The following CLIP4 variants were observed in gnomAD, a reference collection of about 807,000 sequenced individuals.
CLIP4 encodes the protein CAP-Gly domain containing linker protein family member 4, also known as CAP-Gly domain-containing linker protein 4.
In CLIP4, 47 loss-of-function variants were observed where a neutral mutation model predicts 73.1. The observed-to-expected ratio is 0.64, with a 90% CI of 0.51 to 0.82. The LOEUF is 0.82. CLIP4 is among the 40% of genes least tolerant of loss of function. The pLI, the probability that CLIP4 is intolerant of heterozygous loss-of-function variation, is 0.00. For synonymous variants in CLIP4, 306 were observed against 295.4 expected (o/e 1.04, Z -0.37); for missense variants, 874 against 852.9 (o/e 1.02, Z -0.31).
chr2:29,155,756 C>G (rs562286667), intron 9 of CLIP4, among the ~76,000 whole-genome samples: 12 of 152,190 alleles, frequency 7.9e-5, no homozygotes, highest in African/African-American at 2.9e-4. Context: ...TGACTGGTCC[C>G]TGCTTCCAGC....
intron 9 of CLIP4, among the ~76,000 whole-genome samples, chr2:29,155,701 C>G (rs1204844419): frequency 6.6e-6 from 1 of 152,186 alleles, no homozygotes; most frequent in Non-Finnish European, 1.5e-5. Context: ...TCAGTTTCTG[C>G]TGTTGGAGTT....
At chr2:29,129,979 T>A (rs1312156706) in intron 2 of CLIP4, 5 of 470,952 alleles carry the variant, frequency 1.1e-5, no homozygotes, top group Non-Finnish European at 1.8e-5. Flanking sequence ...TTTCAGCAGC[T>A]GCTCTGGAAC....
At chr2:29,175,846 C>G (rs1335174424) in intron 15 of CLIP4, among the ~76,000 whole-genome samples, 1 of 152,068 alleles carries the variant, frequency 6.6e-6, no homozygotes, top group Non-Finnish European at 1.5e-5. Flanking sequence ...ACTGCAAGCT[C>G]CGCCTCCCGG....
chr2:29,102,373 C>T (rs770879599), intron 1 of CLIP4, among the ~76,000 whole-genome samples: 17 of 152,222 alleles, frequency 1.1e-4, no homozygotes, highest in African/African-American at 3.4e-4. Flanking sequence ...ACCTGCCCCA[C>T]GAACATCACC....
chr2:29,160,874 G>A (rs1667242573), intron 12 of CLIP4, among the ~76,000 whole-genome samples: 1 of 152,112 alleles, frequency 6.6e-6, no homozygotes, highest in South Asian at 2.1e-4. Flanking sequence ...ACACAAAAGG[G>A]CTCAAAATAC....
Position 29,136,520 on chromosome 2 carries a change from A to G in CLIP4, c.648+854A>G, listed in dbSNP as rs185519893. 1.8e-4 allele frequency among the ~76,000 whole-genome samples: 28 copies of G among 152,252 alleles called. 1 individual carries two copies. The East Asian group carries it at 5.0e-3, about 27-fold the overall frequency. On this transcript the variant is annotated intron_variant, in intron 6 of 15. Transcript: ENST00000320081. ...TAATGTAGATAAAGCCCTTGCCCTC[A>G]AAAAGAATGTCTTGCAGAGGGGAGG...
At chr2:29,099,392 ATCTGTG>A (rs76772002) in intron 1 of CLIP4, among the ~76,000 whole-genome samples, 21,524 of 152,112 alleles carry the variant, frequency 0.14, 1,742 homozygotes, top group Middle Eastern at 0.26. Flanking sequence ...AAGGTGTAAG[ATCTGTG>A]TCTGGATTCA....
intron 1 of CLIP4, among the ~76,000 whole-genome samples, chr2:29,121,057 T>C (rs1664216403): frequency 6.6e-6 from 1 of 152,142 alleles, no homozygotes; most frequent in African/African-American, 2.4e-5. Flanking sequence ...TACGCCCTTG[T>C]TTGTTACATG....
rs780422927 is a variant in CLIP4, at chr2:29,152,672, C to T, written c.1022-13C>T. 1.2e-6 allele frequency: 2 copies of T among 1,609,770 alleles called. No homozygotes were observed. Among genetic ancestry groups the T allele is most frequent in the Non-Finnish European group, 8.5e-7 (1 of 1,178,190 alleles). On this transcript the variant is annotated splice_polypyrimidine_tract_variant and intron_variant, in intron 8 of 15. Transcript: ENST00000320081. ...TTAATTGTTTAACACTAAAATTCTG[C>T]ATTCTCCCTTAGGTATTTTTGCACC...
At chr2:29,152,040 C>T (rs577900187) in intron 8 of CLIP4, among the ~76,000 whole-genome samples, 20 of 152,006 alleles carry the variant, frequency 1.3e-4, no homozygotes, top group Non-Finnish European at 2.5e-4. Flanking sequence ...ATTTTATAGT[C>T]AGAAAGATTT....
intron 2 of CLIP4, among the ~76,000 whole-genome samples, chr2:29,128,107 A>T (rs1664730551): frequency 6.6e-6 from 1 of 152,058 alleles, no homozygotes; most frequent in South Asian, 2.1e-4. Context: ...TTAGTTTCAC[A>T]TATCAAATAA....
intron 14 of CLIP4, among the ~76,000 whole-genome samples, chr2:29,173,247 A>G (rs1271568639): frequency 1.3e-5 from 2 of 152,208 alleles, no homozygotes; most frequent in African/African-American, 2.4e-5. Flanking sequence ...AGATAACATG[A>G]ATTTCATTCA....
At chr2:29,180,559 C>T (rs1011106892) in intron 15 of CLIP4, among the ~76,000 whole-genome samples, 1 of 152,056 alleles carries the variant, frequency 6.6e-6, no homozygotes, top group Non-Finnish European at 1.5e-5. Context: ...ATACATAGAA[C>T]ATACATACAT....
intron 15 of CLIP4, among the ~76,000 whole-genome samples, chr2:29,179,430 C>A (rs1378227074): frequency 1.3e-5 from 2 of 152,308 alleles, no homozygotes; most frequent in African/African-American, 4.8e-5. Flanking sequence ...TGCCAGTACC[C>A]ATTCTGTTTG....
At chr2:29,163,754 G>A (rs559424372) in intron 12 of CLIP4, 77 bp from the exon 13 acceptor site, 10 of 1,397,534 alleles carry the variant, frequency 7.2e-6, no homozygotes, top group East Asian at 2.4e-5. Flanking sequence ...AAAACACCTC[G>A]ACTTTGGTTT....
chr2:29,149,410 C>CTTTTTTTTT (rs71403647), intron 8 of CLIP4, among the ~76,000 whole-genome samples: 4 of 138,332 alleles, frequency 2.9e-5, no homozygotes, highest in Non-Finnish European at 3.1e-5. Context: ...TTCTCCTTTT[C>CTTTTTTTTT]TTTTTTTTTT....
chr2:29,113,579 C>G (rs1358690942), upstream of CLIP4, among the ~76,000 whole-genome samples: 1 of 152,170 alleles, frequency 6.6e-6, no homozygotes, highest in Non-Finnish European at 1.5e-5. The surrounding 1 kb of genome is among the most constrained non-coding windows in gnomAD (Gnocchi z 4.0). Context: ...ACTCTGGTGG[C>G]TTGGTATCCT....
At chr2:29,102,777 C>T (rs1267243260) in intron 1 of CLIP4, among the ~76,000 whole-genome samples, 2 of 152,246 alleles carry the variant, frequency 1.3e-5, no homozygotes, top group East Asian at 1.9e-4. Context: ...CGGTGCCCAC[C>T]ACCACGCCCA....
rs1171727663 is a variant in CLIP4 at position 29,163,956 on chromosome 2, T to G, written c.1658+2T>G. The G allele has an allele frequency of 6.2e-7, 1 of 1,608,984 alleles. No individual in the cohort carries two copies. The highest frequency in any genetic ancestry group is 2.2e-5 in the East Asian group (1 of 44,820). The stretch of plus-strand genomic sequence containing the variant: ...TGCTCCCCCATCCAGGGTGCAAAGG[T>G]GAGAGAATGAAATTTATGTTTATTT... On this transcript the variant is annotated splice_donor_variant, in intron 13 of 15. Coordinates refer to ENST00000320081, the MANE Select transcript of CLIP4 (RefSeq NM_024692.6). LOFTEE classifies it high-confidence loss of function.
Sources: allele counts gnomAD v4.1 joint callset (sites outside exome capture counted in the v4.1 genomes callset), GRCh38; gene constraint gnomAD v4.1.1; non-coding constraint Gnocchi (gnomAD v3.1); transcripts MANE v1.5; gene names NCBI Gene and HGNC (gene_info 2026-07-23, HGNC 2026-07-21).